Variants in SCO1 observed in about 807,000 individuals in gnomAD.
The protein encoded by SCO1 is cytochrome c oxidase assembly factor SCO1.
A neutral mutation model predicts 34.0 loss-of-function variants in SCO1; 23 were observed. The ratio of observed to expected loss-of-function variants is 0.68; its 90% CI spans 0.49 to 0.96. The LOEUF is 0.96. Among genes scored for constraint, SCO1 ranks in the 40% least tolerant of loss-of-function variants. SCO1 has a pLI of 0.00. For missense variants in SCO1, 404 were observed against 381.6 expected (o/e 1.06, Z -0.49); for synonymous variants, 161 against 145.5 (o/e 1.11, Z -0.77).
chr17:10,688,767 C>T (rs2074672157), intron 4 of SCO1, among the ~76,000 whole-genome samples: 1 of 152,104 alleles, frequency 6.6e-6, no homozygotes, highest in African/African-American at 2.4e-5. Context: ...TAGTCAGCAA[C>T]AAAAAGGAAT....
At chr17:10,695,338 C>T (rs1381461814) in intron 2 of SCO1, among the ~76,000 whole-genome samples, 1 of 152,170 alleles carries the variant, frequency 6.6e-6, no homozygotes, top group Non-Finnish European at 1.5e-5. Context: ...CTCAAAGGCT[C>T]GACTACATCT....
chr17:10,697,461 C>T lies in SCO1; in HGVS notation c.47G>A (p.Gly16Asp). 6.2e-7 allele frequency: 1 copy of T among 1,613,382 alleles called. No homozygotes were observed. Among genetic ancestry groups the T allele is most frequent in the South Asian group, 1.1e-5 (1 of 91,010 alleles). Residue 16 changes from glycine to aspartate, a missense_variant, in exon 1 of 6, where the codon GGT becomes GAT. By Grantham distance (94) the Gly-to-Asp change is moderately conservative. Transcript: ENST00000255390. ...AGGCAAGAAGCGCCAAAGTTGGCCA[C>T]CCAGAGGCCGCATAACTCGTCCGGG... ...LVPGRVMRPL[G>D]GQLWRFLPRG...
At chr17:10,684,026 A>C (rs2074638419) in intron 5 of SCO1, 1 of 152,190 alleles carries the variant, frequency 6.6e-6, no homozygotes, top group Non-Finnish European at 1.5e-5. Flanking sequence ...GAAAAACCTA[A>C]GAAGCTGAAG....
rs2074564421 is a variant in SCO1 at position 10,673,960 on chromosome 17, A to G, written c.*7159T>C. ...CTTCAAATTGTGTTTCATGGGAGCG[A>G]AATTAAATAAAGAGCTTCCTGGAGG... On this transcript the variant is annotated 3_prime_UTR_variant, in exon 6 of 6. Transcript: ENST00000255390. 1 of 152,232 alleles carries G rather than the reference A, an allele frequency of 6.6e-6. No individual in the cohort carries two copies. Among genetic ancestry groups the G allele is most frequent in the African/African-American group, 2.4e-5 (1 of 41,462 alleles). The allele number at this position is 152,232 out of a possible 1,614,324, so 9.4% of individuals were successfully genotyped here.
intron 4 of SCO1, among the ~76,000 whole-genome samples, chr17:10,687,859 G>T (rs1235880698): frequency 1.3e-5 from 2 of 152,138 alleles, no homozygotes. Flanking sequence ...CTCATTTGGG[G>T]ATATTATGGT....
chr17:10,687,786 T>C (rs1170384919), intron 4 of SCO1, among the ~76,000 whole-genome samples: 1 of 152,256 alleles, frequency 6.6e-6, no homozygotes, highest in East Asian at 1.9e-4. Flanking sequence ...TCAATCGCTA[T>C]GTTCTGTTGA....
chr17:10,690,994 CAGA>C (rs1343236582), intron 4 of SCO1, among the ~76,000 whole-genome samples: 1 of 152,084 alleles, frequency 6.6e-6, no homozygotes, highest in African/African-American at 2.4e-5. Context: ...GTTGATCTCA[CAGA>C]AGTAGAGAGA....
intron 5 of SCO1, among the ~76,000 whole-genome samples, chr17:10,686,196 C>A (rs1182993595): frequency 6.6e-6 from 1 of 150,930 alleles, no homozygotes. Context: ...GAGCCAAGAT[C>A]GCACCACTGC....
In SCO1 at chr17:10,697,372, C is replaced by T. The variant is rs1314656079; in HGVS notation, c.136G>A (p.Ala46Thr). 2 of 1,596,908 alleles carry T rather than the reference C, an allele frequency of 1.3e-6. No individual in the cohort carries two copies. Among genetic ancestry groups the T allele is most frequent in the East Asian group, 2.3e-5 (1 of 44,072 alleles). ...GCACGCCACGCCTCCGCTTGCCGCG[C>T]GCAGAACTGCCTCAGCAAGACTCTC... ...TARVLLRQFC[A>T]RQAEAWRASG... The change falls in exon 1 of 6, where the codon GCG becomes ACG. Residue 46 changes from alanine to threonine, a missense_variant. Coordinates refer to ENST00000255390, the MANE Select transcript of SCO1 (RefSeq NM_004589.4).
chr17:10,691,792 A>T, intron 4 of SCO1, 80 bp downstream of exon 4: 1 of 850,050 alleles, frequency 1.2e-6, no homozygotes, highest in South Asian at 1.4e-5. Context: ...CTATTTCACA[A>T]GGCACTGTAA....
rs951657979 is a variant in SCO1 at position 10,692,801 on chromosome 17, T to A, written c.525A>T (p.Glu175Asp). 1 of 1,614,216 alleles carries A rather than the reference T, an allele frequency of 6.2e-7. No individual in the cohort carries two copies. Among genetic ancestry groups the A allele is most frequent in the African/African-American group, 1.3e-5 (1 of 75,062 alleles). ...CGACTTGAATCATCTTTTCTAGTTC[T>A]TCTGGACAGACATCAGGGCAATGAG... Reference protein sequence around the residue: ...GFTHCPDVCPEELEKMIQVVD... With the variant: ...GFTHCPDVCPDELEKMIQVVD... Residue 175 changes from glutamate (E) to aspartate (D), a missense_variant, in exon 3 of 6, where the codon GAA becomes GAT. Physicochemically the swap from Glu to Asp is conservative, Grantham distance 45. Coordinates refer to ENST00000255390, the MANE Select transcript of SCO1 (RefSeq NM_004589.4).
chr17:10,696,071 TAAAAAAAAAAAAA>T (rs869243005), intron 1 of SCO1, among the ~76,000 whole-genome samples: 3 of 72,994 alleles, frequency 4.1e-5, no homozygotes, highest in Admixed American at 1.8e-4. Context: ...TTCATGTAAA[TAAAAAAAAAAAAA>T]AAAAAAAAAA....
At position 10,672,991 on chromosome 17, in the gene SCO1, A is replaced by G. The variant is rs557448522; in HGVS notation, c.*8128T>C. The G allele has an allele frequency of 7.1e-6, 1 of 141,058 alleles. No individual in the cohort carries two copies. Among genetic ancestry groups the G allele is most frequent in the East Asian group, 2.1e-4 (1 of 4,734 alleles). The allele number at this position is 141,058 out of a possible 1,614,324, so 8.7% of individuals were successfully genotyped here. A position where few individuals can be genotyped will look rare whatever the true frequency, so the allele number is the denominator to read the frequency against. ...GGGCCTCATGTCTAAAAGCTGCCCT[A>G]ATTTTTCTTTTTTTTCTTTTTTTTT... On this transcript the variant is annotated 3_prime_UTR_variant, in exon 6 of 6. Transcript: ENST00000255390.
intron 2 of SCO1, among the ~76,000 whole-genome samples, chr17:10,693,463 T>C (rs1417640861): frequency 6.6e-6 from 1 of 152,230 alleles, no homozygotes; most frequent in East Asian, 1.9e-4. Flanking sequence ...AAGAGTCAAC[T>C]ATGGAGAGAA....
In SCO1 at chr17:10,697,388, C is replaced by G. The variant is rs1462900533; in HGVS notation, c.120G>C (p.Leu40Phe). The stretch of plus-strand genomic sequence containing the variant: ...CTTGCCGCGCGCAGAACTGCCTCAG[C>G]AAGACTCTCGCAGTCCCCTCGGCTG... ...WGPAEGTARVLLRQFCARQAE... is the reference protein window; with the variant it reads ...WGPAEGTARVFLRQFCARQAE... Residue 40 changes from leucine (L) to phenylalanine (F), a missense_variant, in exon 1 of 6, where the codon TTG becomes TTC. Physicochemically the swap from Leu to Phe is conservative, Grantham distance 22. Transcript: ENST00000255390. 6.2e-6 allele frequency: 10 copies of G among 1,602,698 alleles called. No individual in the cohort carries two copies. The highest frequency in any genetic ancestry group is 1.3e-5 in the African/African-American group (1 of 74,708).
At position 10,697,482 on chromosome 17, in the gene SCO1, C is replaced by T. The variant is rs751482122; in HGVS notation, c.26G>A (p.Gly9Glu). 6.2e-7 allele frequency: 1 copy of T among 1,613,368 alleles called. No homozygotes were observed. Among genetic ancestry groups the T allele is most frequent in the African/African-American group, 1.3e-5 (1 of 74,926 alleles). ...GCCACCCAGAGGCCGCATAACTCGT[C>T]CGGGTACTAGGACCAGCATCGCCAT... is the stretch of plus-strand genomic sequence containing the variant. MAMLVLVP[G>E]RVMRPLGGQL... Residue 9 changes from glycine to glutamate, a missense_variant, in exon 1 of 6, where the codon GGA (glycine) becomes GAA (glutamate). Coordinates refer to ENST00000255390, the MANE Select transcript of SCO1 (RefSeq NM_004589.4).
Position 10,692,749 on chromosome 17 carries a change from T to C in SCO1, c.562+15A>G, listed in dbSNP as rs1301288371. Reference sequence around the variant, plus strand: ...GTAAACATATACTTTGTTTAGTTAGTGATGGCTTTCTTACCTATTTCATCC... The same window carrying C: ...GTAAACATATACTTTGTTTAGTTAGCGATGGCTTTCTTACCTATTTCATCC... On this transcript the variant is annotated intron_variant, in intron 3 of 5. Coordinates refer to ENST00000255390, the MANE Select transcript of SCO1 (RefSeq NM_004589.4). The C allele has an allele frequency of 1.2e-6, 2 of 1,606,416 alleles. No individual in the cohort carries two copies. Among genetic ancestry groups the C allele is most frequent in the African/African-American group, 2.7e-5 (2 of 74,802 alleles).
intron 4 of SCO1, among the ~76,000 whole-genome samples, chr17:10,687,625 T>G (rs1019399054): frequency 1.3e-5 from 2 of 152,238 alleles, no homozygotes; most frequent in African/African-American, 4.8e-5. Flanking sequence ...TTTTCCACTC[T>G]GAGTAAATAA....
At chr17:10,687,493 T>G (rs2074663877) in intron 4 of SCO1, among the ~76,000 whole-genome samples, 1 of 152,232 alleles carries the variant, frequency 6.6e-6, no homozygotes, top group Non-Finnish European at 1.5e-5. Flanking sequence ...ACTACTGAAA[T>G]GACAGCCCAA....
Sources: allele counts gnomAD v4.1 joint callset (sites outside exome capture counted in the v4.1 genomes callset), GRCh38; gene constraint gnomAD v4.1.1; transcripts MANE v1.5; gene names NCBI Gene and HGNC (gene_info 2026-07-23, HGNC 2026-07-21).